Variants in ATXN7L1 observed in about 807,000 individuals in gnomAD.
ATXN7L1 encodes the protein ataxin 7 like 1.
ATXN7L1 carries 15 observed loss-of-function variants against 70.8 expected under a neutral mutation model. The ratio of observed to expected loss-of-function variants is 0.21; its 90% CI spans 0.14 to 0.33. The LOEUF is 0.33. Ranked by LOEUF, ATXN7L1 falls within the 10% of genes least tolerant of loss-of-function variation. ATXN7L1 has a pLI of 1.00. For synonymous variants in ATXN7L1, 440 were observed against 445.1 expected, an observed-to-expected ratio of 0.99 and a Z score of 0.14; for missense variants, 975 against 1,097.1, an observed-to-expected ratio of 0.89 and a Z score of 1.57.
intron 2 of ATXN7L1, among the ~76,000 whole-genome samples, chr7:105,875,437 G>T (rs1202568621): frequency 6.6e-6 from 1 of 152,150 alleles, no homozygotes; most frequent in East Asian, 1.9e-4. Context: ...TTAAGCTGTT[G>T]TGCATTCACC....
chr7:105,839,920 C>CA (rs1267292050), intron 2 of ATXN7L1, among the ~76,000 whole-genome samples: 12 of 152,360 alleles, frequency 7.9e-5, no homozygotes, highest in African/African-American at 2.9e-4. Context: ...GCTATGTAAA[C>CA]AGATGAGGAC....
chr7:105,823,449 A>G (rs1460383773), intron 2 of ATXN7L1, among the ~76,000 whole-genome samples: 2 of 152,178 alleles, frequency 1.3e-5, no homozygotes, highest in East Asian at 3.8e-4. Context: ...TTACAGGTTT[A>G]TGTTGCTAGA....
At chr7:105,611,618 C>T (rs1403570677) in intron 10 of ATXN7L1, among the ~76,000 whole-genome samples, 1 of 152,254 alleles carries the variant, frequency 6.6e-6, no homozygotes, top group African/African-American at 2.4e-5. Context: ...ATAATCCACC[C>T]ATCTCGGCCT....
At chr7:105,665,541 C>T (rs1802482733) in intron 3 of ATXN7L1, among the ~76,000 whole-genome samples, 1 of 152,176 alleles carries the variant, frequency 6.6e-6, no homozygotes, top group Non-Finnish European at 1.5e-5. Flanking sequence ...TCATGGGAGG[C>T]ATTTACCAGG....
At chr7:105,838,526 A>G (rs1414183715) in intron 2 of ATXN7L1, among the ~76,000 whole-genome samples, 3 of 152,292 alleles carry the variant, frequency 2.0e-5, no homozygotes, top group Middle Eastern at 3.4e-3. Flanking sequence ...TTGATATAAG[A>G]GGAGTGGCCT....
intron 3 of ATXN7L1, among the ~76,000 whole-genome samples, chr7:105,754,389 TTTTC>T (rs1464325931): frequency 6.0e-4 from 91 of 151,990 alleles, no homozygotes; most frequent in African/African-American, 2.0e-3. Context: ...TTTTCTTTTC[TTTTC>T]TTTCTTTCTT....
chr7:105,773,167 T>G (rs1320475521), intron 3 of ATXN7L1, among the ~76,000 whole-genome samples: 2 of 152,174 alleles, frequency 1.3e-5, no homozygotes, highest in Non-Finnish European at 2.9e-5. Context: ...TTAATTTACA[T>G]GACAATTATC....
At chr7:105,743,201 C>T (rs771647872) in intron 3 of ATXN7L1, among the ~76,000 whole-genome samples, 7 of 152,080 alleles carry the variant, frequency 4.6e-5, no homozygotes, top group Non-Finnish European at 8.8e-5. Flanking sequence ...TACAGGGGAT[C>T]CACACGGAGG....
At chr7:105,667,698 C>CAAAAA (rs397890100) in intron 3 of ATXN7L1, among the ~76,000 whole-genome samples, 1 of 47,062 alleles carries the variant, frequency 2.1e-5, no homozygotes, top group Non-Finnish European at 3.8e-5. Flanking sequence ...GACTCCGTCT[C>CAAAAA]AAAAAAAAAA....
intron 4 of ATXN7L1, among the ~76,000 whole-genome samples, chr7:105,645,637 A>AT (rs1798878333): frequency 8.3e-6 from 1 of 120,326 alleles, no homozygotes; most frequent in Admixed American, 9.9e-5. Flanking sequence ...TCTGCTAAAA[A>AT]TCCAAAAAAA....
At chr7:105,623,909 G>A (rs1795296204) in intron 8 of ATXN7L1, among the ~76,000 whole-genome samples, 166 bp downstream of exon 8, 1 of 152,220 alleles carries the variant, frequency 6.6e-6, no homozygotes, top group Non-Finnish European at 1.5e-5. Flanking sequence ...CTTTTGTAAT[G>A]TTCAAGGGTA....
intron 2 of ATXN7L1, among the ~76,000 whole-genome samples, chr7:105,872,094 G>C (rs1026877992): frequency 1.3e-5 from 2 of 151,746 alleles, no homozygotes; most frequent in Non-Finnish European, 2.9e-5. Context: ...CCGGGTTCAC[G>C]CCATTCTCCT....
intron 7 of ATXN7L1, among the ~76,000 whole-genome samples, chr7:105,627,839 T>C (rs974255149): frequency 1.9e-5 from 2 of 107,520 alleles, no homozygotes; most frequent in African/African-American, 7.2e-5. Context: ...GTCCTGTCTT[T>C]AGTTTTTTTT....
intron 3 of ATXN7L1, among the ~76,000 whole-genome samples, chr7:105,701,390 T>C (rs1235858068): frequency 6.6e-6 from 1 of 152,230 alleles, no homozygotes; most frequent in Non-Finnish European, 1.5e-5. Context: ...GATACATATG[T>C]ACAACACACA....
intron 3 of ATXN7L1, among the ~76,000 whole-genome samples, chr7:105,695,301 T>C (rs529292671): frequency 6.6e-6 from 1 of 152,152 alleles, no homozygotes; most frequent in East Asian, 1.9e-4. Context: ...TAAATAAACA[T>C]TAAATAAAAT....
chr7:105,778,324 T>C (rs1448739339), intron 3 of ATXN7L1, among the ~76,000 whole-genome samples: 1 of 137,660 alleles, frequency 7.3e-6, no homozygotes, highest in Non-Finnish European at 1.5e-5. Flanking sequence ...CTGGGCAACA[T>C]GGCGAAACCC....
At chr7:105,858,085 G>A (rs117659555) in intron 2 of ATXN7L1, among the ~76,000 whole-genome samples, 5 of 152,154 alleles carry the variant, frequency 3.3e-5, no homozygotes, top group Non-Finnish European at 7.4e-5. Context: ...TAAAAAGTTG[G>A]TGTGGTGTGG....
At chr7:105,827,094 G>C (rs1810974073) in intron 2 of ATXN7L1, among the ~76,000 whole-genome samples, 1 of 152,174 alleles carries the variant, frequency 6.6e-6, no homozygotes. Context: ...GGAAGGCGAG[G>C]TTGAAAAGGA....
intron 3 of ATXN7L1, among the ~76,000 whole-genome samples, chr7:105,733,148 G>A (rs1796765435): frequency 6.6e-6 from 1 of 152,002 alleles, no homozygotes; most frequent in Non-Finnish European, 1.5e-5. Flanking sequence ...CATCTGCTTT[G>A]GTTCACTGTT....
Sources: allele counts gnomAD v4.1 joint callset (sites outside exome capture counted in the v4.1 genomes callset), GRCh38; gene constraint gnomAD v4.1.1; transcripts MANE v1.5; gene names NCBI Gene and HGNC (gene_info 2026-07-23, HGNC 2026-07-21).